RALGAPA2: variants seen among roughly 807,000 people sequenced by gnomAD.
RALGAPA2 encodes Ral GTPase activating protein catalytic subunit alpha 2.
Under a neutral mutation model 230.4 loss-of-function variants are expected in RALGAPA2, and 139 were observed. That is an observed-to-expected ratio of 0.60 (90% CI 0.53 to 0.69). RALGAPA2 has a LOEUF of 0.69. Ranked by LOEUF, RALGAPA2 falls within the 30% of genes least tolerant of loss-of-function variation. The pLI, the probability that RALGAPA2 is intolerant of heterozygous loss-of-function variation, is 0.00. For synonymous variants in RALGAPA2, 847 were observed against 837.8 expected (o/e 1.01, Z -0.19); for missense variants, 2,163 against 2,276.0 (o/e 0.95, Z 1.01).
At chr20:20,458,723 T>C (rs1444118180) in intron 37 of RALGAPA2, among the ~76,000 whole-genome samples, 2 of 133,282 alleles carry the variant, frequency 1.5e-5, no homozygotes, top group East Asian at 2.2e-4. Flanking sequence ...CCTATATATA[T>C]ATATACACAC....
intron 37 of RALGAPA2, among the ~76,000 whole-genome samples, chr20:20,463,068 T>C (rs2061338672): frequency 6.6e-6 from 1 of 152,206 alleles, no homozygotes; most frequent in Non-Finnish European, 1.5e-5. Context: ...CAGAAGAGAT[T>C]GTCTTTAGGA....
intron 3 of RALGAPA2, among the ~76,000 whole-genome samples, chr20:20,659,022 C>A (rs1324193526): frequency 6.6e-6 from 1 of 152,116 alleles, no homozygotes; most frequent in Non-Finnish European, 1.5e-5. Context: ...CTTCCCCAAA[C>A]TAGCTGCAGG....
At chr20:20,588,024 G>A (rs2065182206) in intron 18 of RALGAPA2, among the ~76,000 whole-genome samples, 1 of 152,134 alleles carries the variant, frequency 6.6e-6, no homozygotes, top group Non-Finnish European at 1.5e-5. Context: ...TCTACACAAT[G>A]CTGGCAAAAA....
rs557696064 is a variant in RALGAPA2 at position 20,511,160 on chromosome 20, C to G, written c.4928+94G>C. Reference sequence around the variant, plus strand: ...AGGTTACAGAACTACCCTTGGATGTCTCAGTAAGTCTATTCATTCCTGCTG... The same window carrying G: ...AGGTTACAGAACTACCCTTGGATGTGTCAGTAAGTCTATTCATTCCTGCTG... On this transcript the variant is annotated intron_variant, in intron 33 of 39. Coordinates refer to ENST00000202677, the MANE Select transcript of RALGAPA2 (RefSeq NM_020343.4). 9.3e-5 allele frequency: 141 copies of G among 1,511,906 alleles called. No homozygotes were observed. In the African/African-American group the frequency reaches 1.8e-3, roughly 19 times the overall value. The allele number at this position is 1,511,906 out of a possible 1,614,324, so 93.7% of individuals were successfully genotyped here. A position where few individuals can be genotyped will look rare whatever the true frequency, so the allele number is the denominator to read the frequency against.
chr20:20,402,424 TC>T (rs2059863676), intron 38 of RALGAPA2, among the ~76,000 whole-genome samples: 1 of 152,210 alleles, frequency 6.6e-6, no homozygotes, highest in South Asian at 2.1e-4. Flanking sequence ...GGGATGGCCA[TC>T]TGCGCGATTC....
Position 20,639,866 on chromosome 20 carries a change from T to C in RALGAPA2, c.585A>G (p.Leu195=), listed in dbSNP as rs772000345. 6 of 1,611,434 alleles carry C rather than the reference T, an allele frequency of 3.7e-6. No homozygotes were observed. Among genetic ancestry groups the C allele is most frequent in the East Asian group, 4.5e-5 (2 of 44,752 alleles). The change falls in exon 7 of 40, where the codon CTA becomes CTG. Residue 195 remains leucine (L), a synonymous_variant. Coordinates refer to ENST00000202677, the MANE Select transcript of RALGAPA2 (RefSeq NM_020343.4). ...CAATCTTCTCCCCTGATATGGCTGG[T>C]AGGAGTGGAGTGATTTCTTCTGGAT... ...KIYPEEITPL[L]PAISGEKIAE...
intron 37 of RALGAPA2, among the ~76,000 whole-genome samples, chr20:20,450,050 T>C (rs1392964992): frequency 1.3e-5 from 2 of 152,184 alleles, no homozygotes; most frequent in Admixed American, 1.3e-4. Flanking sequence ...TCTTTCTCAT[T>C]ATACATGGCC....
At chr20:20,428,631 C>T (rs1304882841) in intron 37 of RALGAPA2, among the ~76,000 whole-genome samples, 1 of 152,092 alleles carries the variant, frequency 6.6e-6, no homozygotes, top group Middle Eastern at 3.2e-3. Context: ...GGACATGATC[C>T]CAAATGTGGT....
rs2067006241 is a variant in RALGAPA2, at chr20:20,640,806, C to A, written c.445G>T (p.Val149Phe). ...GGCACCAGGCAAGCAAAAATCAGAACCTGCTCTTCTGCACAGTTTGTCTGA... is the reference window on the plus strand; with the variant it reads ...GGCACCAGGCAAGCAAAAATCAGAAACTGCTCTTCTGCACAGTTTGTCTGA... ...ALQTNCAEEQ[V>F]LIFACLVPGF... is the part of the protein sequence containing the mutation. The change falls in exon 6 of 40, where the codon GTT (valine) becomes TTT (phenylalanine). Residue 149 changes from valine to phenylalanine, a missense_variant. Coordinates refer to ENST00000202677, the MANE Select transcript of RALGAPA2 (RefSeq NM_020343.4). 1 of 1,613,826 alleles carries A rather than the reference C, an allele frequency of 6.2e-7. No individual in the cohort carries two copies. Among genetic ancestry groups the A allele is most frequent in the Non-Finnish European group, 8.5e-7 (1 of 1,179,800 alleles).
chr20:20,596,642 T>C (rs1226985754), intron 16 of RALGAPA2, among the ~76,000 whole-genome samples: 1 of 152,210 alleles, frequency 6.6e-6, no homozygotes, highest in East Asian at 1.9e-4. Flanking sequence ...CTATCATAGT[T>C]GGAATGTCAG....
At chr20:20,557,959 C>T (rs748593522) in intron 23 of RALGAPA2, among the ~76,000 whole-genome samples, 3 of 151,998 alleles carry the variant, frequency 2.0e-5, no homozygotes, top group Non-Finnish European at 2.9e-5. Context: ...ATTTAATATT[C>T]GTGAATAATG....
intron 9 of RALGAPA2, among the ~76,000 whole-genome samples, chr20:20,630,241 C>T (rs888261728): frequency 1.3e-5 from 2 of 152,178 alleles, no homozygotes; most frequent in Admixed American, 6.5e-5. Context: ...TTTCTGCTCT[C>T]GTATCCACAT....
chr20:20,623,979 G>C (rs1171250935), intron 10 of RALGAPA2, among the ~76,000 whole-genome samples: 1 of 151,926 alleles, frequency 6.6e-6, no homozygotes, highest in Non-Finnish European at 1.5e-5. Flanking sequence ...AAATTCCCAA[G>C]GGGAAAAAAA....
intron 3 of RALGAPA2, among the ~76,000 whole-genome samples, chr20:20,674,118 C>T (rs965533737): frequency 1.3e-5 from 2 of 151,824 alleles, no homozygotes; most frequent in African/African-American, 4.8e-5. Flanking sequence ...ATCACTTGAG[C>T]CCAGGAGGTC....
At chr20:20,618,859 T>C (rs1417640451) in intron 12 of RALGAPA2, among the ~76,000 whole-genome samples, 1 of 152,228 alleles carries the variant, frequency 6.6e-6, no homozygotes, top group Non-Finnish European at 1.5e-5. Flanking sequence ...CATCAGTCAT[T>C]GTTCTTTGTA....
chr20:20,453,684 A>C (rs964743870), intron 37 of RALGAPA2, among the ~76,000 whole-genome samples: 1 of 152,218 alleles, frequency 6.6e-6, no homozygotes, highest in Non-Finnish European at 1.5e-5. Context: ...AGCCATGAGG[A>C]AACTGTGCAC....
intron 11 of RALGAPA2, among the ~76,000 whole-genome samples, chr20:20,619,847 T>C (rs1422417425): frequency 6.6e-6 from 1 of 152,258 alleles, no homozygotes; most frequent in Non-Finnish European, 1.5e-5. Flanking sequence ...ATTAATTTCA[T>C]AATAGTATGA....
chr20:20,632,199 G>C (rs959505656), intron 9 of RALGAPA2, among the ~76,000 whole-genome samples: 7 of 151,722 alleles, frequency 4.6e-5, no homozygotes, highest in Admixed American at 3.3e-4. Context: ...TAATTTTTTT[G>C]TATTTTTTTT....
At chr20:20,523,480 T>C (rs993255739) in intron 30 of RALGAPA2, among the ~76,000 whole-genome samples, 5 of 152,240 alleles carry the variant, frequency 3.3e-5, no homozygotes, top group Non-Finnish European at 2.9e-5. Context: ...ACTAATGCTG[T>C]ATACAAATAG....
Sources: gnomAD v4.1 joint callset for allele counts (sites outside exome capture counted in the v4.1 genomes callset) on GRCh38, gnomAD v4.1.1 for gene constraint, MANE v1.5 for transcripts, NCBI Gene and HGNC (gene_info 2026-07-23, HGNC 2026-07-21) for gene names.